Variants in LHX8 observed in about 807,000 individuals in gnomAD.
The protein encoded by LHX8 is LIM homeobox 8, also known as LIM/homeobox protein Lhx8.
A neutral mutation model predicts 40.3 loss-of-function variants in LHX8; 12 were observed. The ratio of observed to expected loss-of-function variants is 0.30; its 90% CI spans 0.19 to 0.48. LHX8 has a LOEUF of 0.48. LHX8 is among the 20% of genes least tolerant of loss of function. The pLI, the probability that LHX8 is intolerant of heterozygous loss-of-function variation, is 0.99. For missense variants in LHX8, 344 were observed against 433.7 expected (o/e 0.79, Z 1.84); for synonymous variants, 179 against 162.0 (o/e 1.10, Z -0.80).
chr1:75,144,223 T>C (rs1315706497), intron 6 of LHX8, among the ~76,000 whole-genome samples: 1 of 152,194 alleles, frequency 6.6e-6, no homozygotes, highest in Non-Finnish European at 1.5e-5. Flanking sequence ...TATTTTGTCC[T>C]GACTTCCTGA....
chr1:75,195,285 G>A, the LHX8 span, among the ~76,000 whole-genome samples: 19 of 152,176 alleles, frequency 1.2e-4, no homozygotes, highest in South Asian at 1.2e-3. Flanking sequence ...TAACTTTCCC[G>A]AGAGTAGGTA....
upstream of LHX8, chr1:75,130,785 A>T (rs1358678532): frequency 6.4e-7 from 1 of 1,569,914 alleles, no homozygotes; most frequent in Non-Finnish European, 8.8e-7. Context: ...CTTTTTCCAG[A>T]CTAATATTTA....
chr1:75,182,783 C>T, the LHX8 span, among the ~76,000 whole-genome samples: 6 of 152,170 alleles, frequency 3.9e-5, no homozygotes, highest in Non-Finnish European at 8.8e-5. Flanking sequence ...TTTGCTTAGT[C>T]TTGCCTTGGC....
In LHX8 at chr1:75,156,944, C is replaced by T. The variant is rs866676237; in HGVS notation, c.832C>T (p.His278Tyr). Reference protein sequence around the residue: ...ARHKKHVSPNHSSSTPVTAVP... With the variant: ...ARHKKHVSPNYSSSTPVTAVP... ...CCACAAGAAACACGTCAGTCCTAAT[C>T]ACTCATCCTCCACCCCAGTCACAGC... The change falls in exon 8 of 9, where the codon CAC (histidine) becomes TAC (tyrosine). Residue 278 changes from histidine to tyrosine, a missense_variant. Around this residue, in one of 3 missense-constraint regions of LHX8, gnomAD observed 89 missense variants for 92.8 expected, o/e 0.96. Transcript: ENST00000356261. 1.2e-6 allele frequency: 2 copies of T among 1,614,062 alleles called. No homozygotes were observed. Among genetic ancestry groups the T allele is most frequent in the Non-Finnish European group, 1.7e-6 (2 of 1,180,024 alleles).
chr1:75,148,546 T>G, intron 6 of LHX8, 41 bp from the exon 7 acceptor site: 3 of 1,364,772 alleles, frequency 2.2e-6, no homozygotes, highest in Non-Finnish European at 3.1e-6. Context: ...ACTGAGCTGC[T>G]TGTTTTTAGC....
At chr1:75,132,874 G>T (rs1290369540), upstream of LHX8, 1 of 152,042 alleles carries the variant, frequency 6.6e-6, no homozygotes, top group Non-Finnish European at 1.5e-5. Context: ...TGGCGCCAAT[G>T]TTCTGCACGA....
chr1:75,181,694 A>G, the LHX8 span, among the ~76,000 whole-genome samples: 2,209 of 152,256 alleles, frequency 0.015, 56 homozygotes, highest in African/African-American at 0.05. Context: ...CTGGCTCTCC[A>G]AGGGCTGCAC....
the LHX8 span, among the ~76,000 whole-genome samples, chr1:75,185,359 T>G: frequency 6.6e-6 from 1 of 151,904 alleles, no homozygotes; most frequent in Admixed American, 6.6e-5. Context: ...CTCAACAAAA[T>G]ACTGACAAAT....
At chr1:75,170,853 A>G in the LHX8 span, among the ~76,000 whole-genome samples, 14 of 152,262 alleles carry the variant, frequency 9.2e-5, no homozygotes, top group Middle Eastern at 3.4e-3. Flanking sequence ...TCATTAATCT[A>G]CTGTTTATTT....
chr1:75,144,145 T>C (rs1002211042), intron 6 of LHX8, among the ~76,000 whole-genome samples, 197 bp downstream of exon 6: 1 of 152,170 alleles, frequency 6.6e-6, no homozygotes. Flanking sequence ...CATAATATAA[T>C]ATGAAATAGT....
chr1:75,136,412 A>G (rs1022723775), intron 1 of LHX8, among the ~76,000 whole-genome samples, 191 bp from the exon 2 acceptor site: 5 of 151,652 alleles, frequency 3.3e-5, no homozygotes, highest in African/African-American at 4.8e-5. Flanking sequence ...GGCGGCCGCC[A>G]GCGGCCAGCG....
downstream of LHX8, among the ~76,000 whole-genome samples, chr1:75,162,802 A>G (rs1485748787): frequency 6.6e-6 from 1 of 152,206 alleles, no homozygotes; most frequent in South Asian, 2.1e-4. Flanking sequence ...TCTTATTTTT[A>G]AAACCTAATA....
intron 1 of LHX8, among the ~76,000 whole-genome samples, chr1:75,135,178 A>G (rs1648084645): frequency 6.6e-6 from 1 of 152,186 alleles, no homozygotes; most frequent in Non-Finnish European, 1.5e-5. Flanking sequence ...AAAATGCCAA[A>G]AGAAAACCGC....
the LHX8 span, among the ~76,000 whole-genome samples, chr1:75,179,499 G>GTTTTT: frequency 1.1e-4 from 12 of 107,168 alleles, no homozygotes; most frequent in Non-Finnish European, 1.4e-4. Context: ...TGCAACCCCT[G>GTTTTT]TTGTTTTTTT....
chr1:75,136,593 T>G lies in LHX8; in HGVS notation c.-12-10T>G. ...GTTTCTCCATACTTTCTCCCCCTCCTACTCCGCAGTGTCAGGGGCTCATGT... is the reference window on the plus strand; with the variant it reads ...GTTTCTCCATACTTTCTCCCCCTCCGACTCCGCAGTGTCAGGGGCTCATGT... On this transcript the variant is annotated splice_polypyrimidine_tract_variant and intron_variant, in intron 1 of 8. Transcript: ENST00000356261. 1 of 1,540,348 alleles carries G rather than the reference T, an allele frequency of 6.5e-7. No homozygotes were observed. Among genetic ancestry groups the G allele is most frequent in the South Asian group, 1.2e-5 (1 of 83,858 alleles).
the LHX8 span, among the ~76,000 whole-genome samples, chr1:75,171,649 CA>C: frequency 0.11 from 17,413 of 152,020 alleles, 1,234 homozygotes; most frequent in Middle Eastern, 0.22. Context: ...AAGCTGCAAC[CA>C]TAACAAAAAT....
chr1:75,197,815 T>G, the LHX8 span, among the ~76,000 whole-genome samples: 1 of 152,064 alleles, frequency 6.6e-6, no homozygotes, highest in Non-Finnish European at 1.5e-5. Flanking sequence ...AAAAAAGTCT[T>G]TCCACTGACC....
the LHX8 span, among the ~76,000 whole-genome samples, chr1:75,170,620 G>T: frequency 6.6e-6 from 1 of 152,160 alleles, no homozygotes; most frequent in Non-Finnish European, 1.5e-5. Flanking sequence ...CTGTAATTCA[G>T]TGGCTCTCAA....
At chr1:75,160,474 A>G (rs1401700661) in intron 8 of LHX8, 5 of 301,408 alleles carry the variant, frequency 1.7e-5, no homozygotes, top group Non-Finnish European at 2.5e-5. Context: ...GGGGAAGATC[A>G]TCCTATACAA....
Sources: gnomAD v4.1 joint callset for allele counts (sites outside exome capture counted in the v4.1 genomes callset) on GRCh38, gnomAD v4.1.1 for gene constraint, gnomAD v4.1.1 regional missense constraint, MANE v1.5 for transcripts, NCBI Gene and HGNC (gene_info 2026-07-23, HGNC 2026-07-21) for gene names.